The following HPS5 variants were observed in gnomAD, a reference collection of about 807,000 sequenced individuals.
HPS5 encodes the protein BLOC-2 complex member HPS5.
Under a neutral mutation model 128.0 loss-of-function variants are expected in HPS5, and 83 were observed. The ratio of observed to expected loss-of-function variants is 0.65; its 90% CI spans 0.54 to 0.78. The LOEUF (loss-of-function observed/expected upper bound fraction) is 0.78. Ranked by LOEUF, HPS5 falls within the 30% of genes least tolerant of loss-of-function variation. HPS5 has a pLI of 0.00. For missense variants in HPS5, 1,281 were observed against 1,326.2 expected (o/e 0.97, Z 0.53); for synonymous variants, 475 against 470.2 (o/e 1.01, Z -0.13).
Position 18,310,676 on chromosome 11 carries a change from T to C in HPS5, c.477+65A>G, listed in dbSNP as rs191710356. On this transcript the variant is annotated intron_variant, in intron 5 of 22. Coordinates refer to ENST00000349215, the MANE Select transcript of HPS5 (RefSeq NM_181507.2). ...AGTAGATAAAATCACATCCTTTAAT[T>C]GGAAGTTTTATAAGACAACACCTTG... The C allele has an allele frequency of 2.7e-3, 3,383 of 1,269,574 alleles. 8 individuals are homozygous for C. Among genetic ancestry groups the C allele is most frequent in the Non-Finnish European group, 3.3e-3 (2,941 of 897,628 alleles). The allele number at this position is 1,269,574 out of a possible 1,614,324, so 78.6% of individuals were successfully genotyped here.
At chr11:18,301,503 GA>G (rs1861711248) in intron 8 of HPS5, among the ~76,000 whole-genome samples, 2 of 149,438 alleles carry the variant, frequency 1.3e-5, no homozygotes, top group African/African-American at 4.9e-5. Flanking sequence ...CTGGTATCTG[GA>G]AAAAGAAAAG....
intron 2 of HPS5, among the ~76,000 whole-genome samples, chr11:18,315,418 G>A (rs989715871): frequency 6.6e-6 from 1 of 152,104 alleles, no homozygotes; most frequent in African/African-American, 2.4e-5. Context: ...TTTGGGACGA[G>A]CCTGGCCAAC....
rs540083903 is a variant in HPS5, at chr11:18,301,755, T to C, written c.897-839A>G. ...GCTCTGTCTATATTACCTAACTTTGTAGAAGCCAGTCAAGGTAGATATACT... is the reference window on the plus strand; with the variant it reads ...GCTCTGTCTATATTACCTAACTTTGCAGAAGCCAGTCAAGGTAGATATACT... On this transcript the variant is annotated intron_variant, in intron 8 of 22. Transcript: ENST00000349215. Among the ~76,000 whole-genome samples the C allele has an allele frequency of 3.4e-4, 52 of 152,244 alleles. No individual in the cohort carries two copies. The South Asian group carries it at 0.01, about 30-fold the overall frequency.
In HPS5 at chr11:18,287,977, T is replaced by C. The variant is rs566132063; in HGVS notation, c.2477A>G (p.Glu826Gly). 42 of 1,613,944 alleles carry C rather than the reference T, an allele frequency of 2.6e-5. No individual in the cohort carries two copies. The East Asian group carries it at 3.8e-4, about 15-fold the overall frequency. ...TAACCTTGTTGGTAGATCTCCTTTT[T>C]CCATCTCCATATACACAGGATTGGA... The part of the protein sequence containing the change: ...ASSNPVYMEM[E>G]KGDLPTRLKL... The change falls in exon 17 of 23, where the codon GAA (glutamate) becomes GGA (glycine). Residue 826 changes from glutamate to glycine, a missense_variant. Physicochemically the swap from Glu to Gly is moderately conservative, Grantham distance 98 (BLOSUM62 -2). Coordinates refer to ENST00000349215, the MANE Select transcript of HPS5 (RefSeq NM_181507.2).
Position 18,279,695 on chromosome 11 carries a change from C to G in HPS5, c.*187G>C. The G allele has an allele frequency of 1.6e-6, 1 of 630,372 alleles. No homozygotes were observed. The highest frequency in any genetic ancestry group is 2.8e-6 in the Non-Finnish European group (1 of 351,430). The allele number at this position is 630,372 out of a possible 1,614,324, so 39.0% of individuals were successfully genotyped here. A position where few individuals can be genotyped will look rare whatever the true frequency, so the allele number is the denominator to read the frequency against. ...TGAGTACAACTTTGGTTAAGAAACA[C>G]TGAGGTCATGGATAAAGAGTCACAG... On this transcript the variant is annotated 3_prime_UTR_variant, in exon 23 of 23. Transcript: ENST00000349215.
chr11:18,292,161 A>G (rs564792138), intron 15 of HPS5, 142 bp from the exon 16 acceptor site: 1 of 672,526 alleles, frequency 1.5e-6, no homozygotes. Flanking sequence ...AATAAAAACT[A>G]TCTCAACAAG....
Position 18,279,949 on chromosome 11 carries a change from TC to T in HPS5, c.3330-8del. The T allele has an allele frequency of 6.2e-7, 1 of 1,613,892 alleles. No homozygotes were observed. The highest frequency in any genetic ancestry group is 8.5e-7 in the Non-Finnish European group (1 of 1,179,834). ...CATGCTTTGTATCAAGGCCCTGAAA[TC>T]CCAAAGAAAAGAAACAAGCAAATTT... On this transcript the variant is annotated splice_polypyrimidine_tract_variant and splice_region_variant and intron_variant, in intron 22 of 22. Transcript: ENST00000349215.
At position 18,300,813 on chromosome 11, in the gene HPS5, GA is replaced by G. The variant is rs1861618325; in HGVS notation, c.985+14del. ...TAAGCATGAGATTAAAAATTACAAAGAAAAATATAATTACCTTTGACTTCAC... is the reference window on the plus strand; with the variant it reads ...TAAGCATGAGATTAAAAATTACAAAGAAAATATAATTACCTTTGACTTCAC... On this transcript the variant is annotated intron_variant, in intron 9 of 22. Transcript: ENST00000349215. 7.6e-7 allele frequency: 1 copy of G among 1,314,508 alleles called. No homozygotes were observed. Among genetic ancestry groups the G allele is most frequent in the Admixed American group, 1.7e-5 (1 of 57,912 alleles). 81.4% of individuals were successfully genotyped at this position (1,314,508 alleles called of 1,614,324 possible).
Position 18,291,738 on chromosome 11 carries a change from T to C in HPS5, c.2144A>G (p.Glu715Gly), listed in dbSNP as rs886048078. 2 of 1,614,168 alleles carry C rather than the reference T, an allele frequency of 1.2e-6. No individual in the cohort carries two copies. The highest frequency in any genetic ancestry group is 1.7e-6 in the Non-Finnish European group (2 of 1,180,008). The change falls in exon 16 of 23, where the codon GAG becomes GGG. Residue 715 changes from glutamate to glycine, a missense_variant. Physicochemically the swap from Glu to Gly is moderately conservative, Grantham distance 98 (BLOSUM62 -2). Transcript: ENST00000349215. ...TATTTGAAACAGGTCATCCAAAGACTCCCTTGGACTCCTTACACATTCACA... is the reference window on the plus strand; with the variant it reads ...TATTTGAAACAGGTCATCCAAAGACCCCCTTGGACTCCTTACACATTCACA... ...TACECVRSPR[E>G]SLDDLFQICS...
chr11:18,293,380 G>T (rs1860677759), intron 14 of HPS5, among the ~76,000 whole-genome samples: 1 of 152,090 alleles, frequency 6.6e-6, no homozygotes, highest in Non-Finnish European at 1.5e-5. Context: ...CATCATGTTA[G>T]TCAGAATGGT....
At chr11:18,304,877 G>C (rs1250209882) in intron 8 of HPS5, among the ~76,000 whole-genome samples, 3 of 152,178 alleles carry the variant, frequency 2.0e-5, no homozygotes, top group Non-Finnish European at 2.9e-5. Flanking sequence ...ACAACTTTTA[G>C]GGCAGCACTT....
intron 1 of HPS5, among the ~76,000 whole-genome samples, chr11:18,319,712 G>T (rs1285440793): frequency 2.0e-5 from 3 of 152,180 alleles, no homozygotes; most frequent in Non-Finnish European, 4.4e-5. Context: ...TGGGTGGTTA[G>T]ATGCTAGAAA....
Position 18,279,907 on chromosome 11 carries a change from C to T in HPS5, c.3365G>A (p.Arg1122Gln), listed in dbSNP as rs201017833. ...CTAGGCCTGCTGGGACCAGAGAAAC[C>T]GATCGCATTTTTCAAGCATGCTTTG... ...LIQSMLEKCD[R>Q]FLWSQQA Residue 1122 changes from arginine (R) to glutamine (Q), a missense_variant, in exon 23 of 23, where the codon CGG becomes CAG. By Grantham distance (43) the Arg-to-Gln change is conservative. Coordinates refer to ENST00000349215, the MANE Select transcript of HPS5 (RefSeq NM_181507.2). 35 of 1,614,126 alleles carry T rather than the reference C, an allele frequency of 2.2e-5. No individual in the cohort carries two copies. Among genetic ancestry groups the T allele is most frequent in the East Asian group, 1.3e-4 (6 of 44,890 alleles).
intron 9 of HPS5, 54 bp from the exon 10 acceptor site, chr11:18,299,024 A>G: frequency 6.7e-7 from 1 of 1,501,162 alleles, no homozygotes; most frequent in Non-Finnish European, 9.3e-7. Flanking sequence ...ACCCCTTACA[A>G]TTTTAAAAGG....
chr11:18,296,313 G>A (rs548253966), intron 12 of HPS5, 191 bp from the exon 13 acceptor site: 22 of 617,930 alleles, frequency 3.6e-5, no homozygotes, highest in Middle Eastern at 8.7e-4. Flanking sequence ...ATAAAACACC[G>A]AGGCAGGTAC....
chr11:18,300,301 T>G (rs1470388293), intron 9 of HPS5, among the ~76,000 whole-genome samples: 4 of 152,060 alleles, frequency 2.6e-5, no homozygotes, highest in Admixed American at 6.6e-5. Context: ...ATAAAATGAC[T>G]CATGAAAAAA....
chr11:18,284,770 T>G (rs773557738), intron 20 of HPS5, among the ~76,000 whole-genome samples: 4 of 152,216 alleles, frequency 2.6e-5, no homozygotes, highest in African/African-American at 7.2e-5. Flanking sequence ...TATAATCCAG[T>G]TGGAGCCATA....
At chr11:18,298,160 G>A (rs1290044204) in intron 10 of HPS5, among the ~76,000 whole-genome samples, 1 of 151,862 alleles carries the variant, frequency 6.6e-6, no homozygotes, top group African/African-American at 2.4e-5. Flanking sequence ...AAAAGGCTTA[G>A]CAAGCTGGAG....
At chr11:18,281,108 G>A (rs1285133176) in intron 22 of HPS5, among the ~76,000 whole-genome samples, 1 of 139,082 alleles carries the variant, frequency 7.2e-6, no homozygotes, top group African/African-American at 2.7e-5. Flanking sequence ...TCAGAGTTTT[G>A]CTCTTGTTGC....
Sources: gnomAD v4.1 joint callset for allele counts (sites outside exome capture counted in the v4.1 genomes callset) on GRCh38, gnomAD v4.1.1 for gene constraint, MANE v1.5 for transcripts, NCBI Gene and HGNC (gene_info 2026-07-23, HGNC 2026-07-21) for gene names.